The following DOCK4 variants were observed in gnomAD, a reference collection of about 807,000 sequenced individuals.
DOCK4 encodes the protein dedicator of cytokinesis protein 4.
Under a neutral mutation model 268.1 loss-of-function variants are expected in DOCK4, and 97 were observed. The ratio of observed to expected loss-of-function variants is 0.36; its 90% CI spans 0.31 to 0.43. The LOEUF is 0.43. Among genes scored for constraint, DOCK4 ranks in the 20% least tolerant of loss-of-function variants. The pLI, the probability that DOCK4 is intolerant of heterozygous loss-of-function variation, is 1.00. For missense variants in DOCK4, 2,145 were observed against 2,455.7 expected (o/e 0.87, Z 2.67); for synonymous variants, 954 against 887.2 (o/e 1.08, Z -1.34).
intron 34 of DOCK4, among the ~76,000 whole-genome samples, chr7:111,783,312 G>A (rs1343751342): frequency 6.6e-6 from 1 of 151,684 alleles, no homozygotes. Context: ...TGAGAATGAG[G>A]GTTTCATTCC....
chr7:111,735,207 T>TTTGCCCTTCCAATGC (rs1410918433), intron 50 of DOCK4, 40 bp from the exon 51 acceptor site: 2 of 1,371,930 alleles, frequency 1.5e-6, no homozygotes, highest in East Asian at 5.1e-5. Context: ...ACGGTCCAGC[T>TTTGCCCTTCCAATGC]TTGCCCTTCC....
At position 111,778,328 on chromosome 7, in the gene DOCK4, T is replaced by C; in HGVS notation, c.3627A>G (p.Ile1209Met). Residue 1209 changes from isoleucine (I) to methionine (M), a missense_variant, in exon 36 of 53, where the codon ATA (isoleucine) becomes ATG (methionine). By Grantham distance (10) the Ile-to-Met change is conservative. This residue lies in a region of DOCK4 where 1,598 missense variants were observed against 1,986.7 expected (regional missense o/e 0.80). Transcript: ENST00000428084. Reference sequence around the variant, plus strand: ...GATCATAGAGTTTGTGAATGTAGCGTATATACATCTCCTCCTTGTTCAGTT... The same window carrying C: ...GATCATAGAGTTTGTGAATGTAGCGCATATACATCTCCTCCTTGTTCAGTT... ...KTELNKEEMYIRYIHKLYDLH... is the reference protein window; with the variant it reads ...KTELNKEEMYMRYIHKLYDLH... 1 of 1,612,976 alleles carries C rather than the reference T, an allele frequency of 6.2e-7. No individual in the cohort carries two copies. The highest frequency in any genetic ancestry group is 8.5e-7 in the Non-Finnish European group (1 of 1,179,176).
At chr7:112,159,144 G>C (rs1563142432) in intron 1 of DOCK4, among the ~76,000 whole-genome samples, 1 of 152,110 alleles carries the variant, frequency 6.6e-6, no homozygotes, top group African/African-American at 2.4e-5. Context: ...CTAGAAATAT[G>C]TTATTGTCTC....
chr7:111,770,088 A>C (rs969895279), intron 36 of DOCK4, among the ~76,000 whole-genome samples: 1 of 152,118 alleles, frequency 6.6e-6, no homozygotes, highest in Non-Finnish European at 1.5e-5. Context: ...CCCAAAGGGC[A>C]GGCTTAGGAA....
chr7:111,741,605 A>G lies in DOCK4; in HGVS notation c.4854T>C (p.Arg1618=). ...SPVHFPNGSP[R]VCRNSAPASV... ...AAGCAGGTGCTGAGTTTCTACACAC[A>G]CGAGGGCTTCCATTAGGAAAATGGA... Residue 1618 remains arginine, a synonymous_variant, in exon 46 of 53, where the codon CGT becomes CGC. Transcript: ENST00000428084. 4 of 1,613,720 alleles carry G rather than the reference A, an allele frequency of 2.5e-6. No individual in the cohort carries two copies. Among genetic ancestry groups the G allele is most frequent in the Non-Finnish European group, 3.4e-6 (4 of 1,179,764 alleles).
chr7:111,788,638 A>C, intron 32 of DOCK4, 24 bp downstream of exon 32: 1 of 1,555,548 alleles, frequency 6.4e-7, no homozygotes, highest in Non-Finnish European at 8.7e-7. Context: ...AATGGAATCA[A>C]CTTGAGATAA....
At chr7:112,129,725 A>C (rs975117143) in intron 1 of DOCK4, among the ~76,000 whole-genome samples, 1 of 152,194 alleles carries the variant, frequency 6.6e-6, no homozygotes. Flanking sequence ...AAGAAAAAAC[A>C]AAAGATCCCA....
At chr7:112,182,827 T>C (rs935767168) in intron 1 of DOCK4, among the ~76,000 whole-genome samples, 1 of 152,172 alleles carries the variant, frequency 6.6e-6, no homozygotes, top group African/African-American at 2.4e-5. Context: ...CAGAATACAA[T>C]GAGAACACGA....
chr7:111,871,891 T>A, intron 20 of DOCK4, 99 bp downstream of exon 20: 2 of 931,474 alleles, frequency 2.1e-6, no homozygotes, highest in African/African-American at 1.7e-5. Flanking sequence ...GCTCCATTTC[T>A]TCCTACACTC....
intron 1 of DOCK4, among the ~76,000 whole-genome samples, chr7:112,105,232 C>G (rs1001498264): frequency 7.2e-5 from 11 of 152,048 alleles, no homozygotes; most frequent in African/African-American, 2.7e-4. Flanking sequence ...CTTTATTTTC[C>G]ATCTTTCTCT....
Position 112,123,681 on chromosome 7 carries a change from G to A in DOCK4, c.37+82421C>T, listed in dbSNP as rs563968249. 2.4e-4 allele frequency among the ~76,000 whole-genome samples: 37 copies of A among 152,252 alleles called. 2 individuals are homozygous for A. In the South Asian group the frequency reaches 3.3e-3, roughly 14 times the overall value. ...TCAATAAATTTTCTACTACCAACCCGTGTAATACCCATGGCAACTTGTATA... is the reference window on the plus strand; with the variant it reads ...TCAATAAATTTTCTACTACCAACCCATGTAATACCCATGGCAACTTGTATA... On this transcript the variant is annotated intron_variant, in intron 1 of 52. Coordinates refer to ENST00000428084, the MANE Select transcript of DOCK4 (RefSeq NM_001363540.2).
chr7:111,895,864 T>C, intron 15 of DOCK4, 146 bp from the exon 16 acceptor site: 2 of 682,404 alleles, frequency 2.9e-6, no homozygotes, highest in South Asian at 3.8e-5. Flanking sequence ...AGGCCATCTA[T>C]ATAGAGCAGC....
intron 23 of DOCK4, among the ~76,000 whole-genome samples, chr7:111,848,990 T>A (rs1000447638): frequency 6.6e-6 from 1 of 152,188 alleles, no homozygotes; most frequent in Non-Finnish European, 1.5e-5. Flanking sequence ...TTCATCCAGA[T>A]AAAGGACTTC....
intron 16 of DOCK4, 99 bp from the exon 17 acceptor site, chr7:111,877,285 A>C: frequency 9.6e-7 from 1 of 1,045,970 alleles, no homozygotes; most frequent in Non-Finnish European, 1.2e-6. Context: ...ACTGGGAAAC[A>C]TTCCAAACAG....
At chr7:111,885,611 G>C (rs531431088) in intron 16 of DOCK4, among the ~76,000 whole-genome samples, 16 of 152,326 alleles carry the variant, frequency 1.1e-4, no homozygotes, top group Admixed American at 3.3e-4. Flanking sequence ...CCGGCTTCTT[G>C]AAGCTGCTAC....
intron 25 of DOCK4, chr7:111,840,710 C>A: frequency 1.1e-6 from 1 of 931,520 alleles, no homozygotes; most frequent in South Asian, 1.7e-5. Context: ...ATGGTGCTTA[C>A]AGAGCACTGG....
chr7:111,852,961 T>C (rs1210204301), intron 23 of DOCK4, among the ~76,000 whole-genome samples: 3 of 152,196 alleles, frequency 2.0e-5, no homozygotes, highest in Non-Finnish European at 4.4e-5. Context: ...GGTTCTCTCC[T>C]TGAGAGGGCC....
intron 25 of DOCK4, among the ~76,000 whole-genome samples, chr7:111,842,807 C>T (rs1245506170): frequency 6.6e-6 from 1 of 152,178 alleles, no homozygotes; most frequent in African/African-American, 2.4e-5. Context: ...AGAACTTCCA[C>T]CTCACCCAGC....
At chr7:111,864,254 A>AC (rs945730385) in intron 22 of DOCK4, among the ~76,000 whole-genome samples, 1 of 151,912 alleles carries the variant, frequency 6.6e-6, no homozygotes, top group African/African-American at 2.4e-5. Context: ...AAAAAAAAAA[A>AC]AAACCCGATC....
Sources: gnomAD v4.1 joint callset for allele counts (sites outside exome capture counted in the v4.1 genomes callset) on GRCh38, gnomAD v4.1.1 for gene constraint, gnomAD v4.1.1 regional missense constraint, MANE v1.5 for transcripts, NCBI Gene and HGNC (gene_info 2026-07-23, HGNC 2026-07-21) for gene names.